The following DBF4B variants were observed in gnomAD, a reference collection of about 807,000 sequenced individuals.
The protein encoded by DBF4B is protein DBF4 homolog B.
A neutral mutation model predicts 53.4 loss-of-function variants in DBF4B; 49 were observed. That is an observed-to-expected ratio of 0.92 (90% CI 0.73 to 1.16). DBF4B has a LOEUF of 1.16. DBF4B is among the 50% of genes most tolerant of loss of function. The pLI is 0.00. For synonymous variants in DBF4B, 257 were observed against 288.7 expected, an observed-to-expected ratio of 0.89 and a Z score of 1.11; for missense variants, 692 against 775.0, an observed-to-expected ratio of 0.89 and a Z score of 1.27.
intron 4 of DBF4B, among the ~76,000 whole-genome samples, 182 bp from the exon 5 acceptor site, chr17:44,730,783 C>G (rs1974764239): frequency 6.6e-6 from 1 of 152,194 alleles, no homozygotes; most frequent in Non-Finnish European, 1.5e-5. Flanking sequence ...TTTCCTGTGG[C>G]TTTACCTTTA....
chr17:44,748,938 A>G, intron 13 of DBF4B: 1 of 1,289,942 alleles, frequency 7.8e-7, no homozygotes, highest in South Asian at 1.2e-5. Flanking sequence ...GGCAGCCCAC[A>G]GACAGACCAG....
At chr17:44,712,073 G>A (rs753976043) in intron 2 of DBF4B, among the ~76,000 whole-genome samples, 14 of 150,576 alleles carry the variant, frequency 9.3e-5, no homozygotes, top group Non-Finnish European at 1.5e-4. Context: ...CTCCAGCCTG[G>A]GCAACAAGAA....
chr17:44,730,142 T>C (rs1467516858), intron 4 of DBF4B, 46 bp downstream of exon 4: 1 of 1,582,340 alleles, frequency 6.3e-7, no homozygotes, highest in Non-Finnish European at 8.6e-7. Context: ...ACAAAGGAAG[T>C]AGGCTTTGGT....
rs1976036712 is a variant in DBF4B at position 44,741,600 on chromosome 17, T to C, written c.830+148T>C. 1.8e-5 allele frequency: 10 copies of C among 556,046 alleles called. 1 individual carries two copies. In the South Asian group the frequency reaches 2.4e-4, roughly 13 times the overall value. 34.4% of individuals were successfully genotyped at this position (556,046 alleles called of 1,614,324 possible). Reference sequence around the variant, plus strand: ...GGAACGTAGCCCAGAGAAGAGAGACTAGGAGCGTTCATCCATTTTATTTTG... The same window carrying C: ...GGAACGTAGCCCAGAGAAGAGAGACCAGGAGCGTTCATCCATTTTATTTTG... On this transcript the variant is annotated intron_variant, in intron 10 of 13. Coordinates refer to ENST00000315005, the MANE Select transcript of DBF4B (RefSeq NM_145663.3).
chr17:44,722,773 C>T (rs986563409), intron 2 of DBF4B, 107 bp from the exon 3 acceptor site: 2 of 1,264,846 alleles, frequency 1.6e-6, no homozygotes, highest in Non-Finnish European at 2.2e-6. Context: ...TGCCCAGGGT[C>T]TAGTCTGTGC....
intron 2 of DBF4B, among the ~76,000 whole-genome samples, chr17:44,713,574 C>T (rs1973086105): frequency 6.6e-6 from 1 of 151,836 alleles, no homozygotes; most frequent in Middle Eastern, 3.2e-3. Context: ...CACTTGAACC[C>T]GGGAGGCAGA....
chr17:44,709,168 G>A, intron 1 of DBF4B, 136 bp from the exon 2 acceptor site: 1 of 1,138,880 alleles, frequency 8.8e-7, no homozygotes, highest in South Asian at 1.3e-5. Context: ...CGGGATGTAG[G>A]TCGGAATGGA....
chr17:44,717,299 G>A (rs893213322), intron 2 of DBF4B, among the ~76,000 whole-genome samples: 3 of 151,904 alleles, frequency 2.0e-5, no homozygotes, highest in East Asian at 1.9e-4. Context: ...AGATCTTTTC[G>A]TTTTTAATTT....
intron 9 of DBF4B, among the ~76,000 whole-genome samples, chr17:44,738,636 G>C (rs1242655794): frequency 6.6e-6 from 1 of 152,190 alleles, no homozygotes; most frequent in Non-Finnish European, 1.5e-5. Flanking sequence ...ACAGTGAATA[G>C]TCCTCTTGGA....
At chr17:44,738,047 C>A (rs74790584) in intron 8 of DBF4B, among the ~76,000 whole-genome samples, 31 of 152,356 alleles carry the variant, frequency 2.0e-4, no homozygotes, top group Non-Finnish European at 4.0e-4. Flanking sequence ...TCCCACCAAA[C>A]CAGCCAGGTG....
rs759337451 is a variant in DBF4B, at chr17:44,722,886, C to T, written c.89C>T (p.Ser30Phe). The change falls in exon 3 of 14, where the codon TCC (serine) becomes TTC (phenylalanine). Residue 30 changes from serine (S) to phenylalanine (F), a missense_variant. By Grantham distance (155) the Ser-to-Phe change is radical. Around this residue, in one of 3 missense-constraint regions of DBF4B, gnomAD observed 66 missense variants for 51.3 expected, o/e 1.29. Transcript: ENST00000315005. Reference sequence around the variant, plus strand: ...CCTCTTTATTGTTTTCTAGGAGTTTCCAGGTGTCTAGGAAAATGCCAGAAG... The same window carrying T: ...CCTCTTTATTGTTTTCTAGGAGTTTTCAGGTGTCTAGGAAAATGCCAGAAG... ...SRLRAPDLGV[S>F]RCLGKCQKNS... 3.7e-6 allele frequency: 6 copies of T among 1,614,010 alleles called. No homozygotes were observed. The highest frequency in any genetic ancestry group is 5.1e-6 in the Non-Finnish European group (6 of 1,179,966).
intron 2 of DBF4B, among the ~76,000 whole-genome samples, chr17:44,712,301 CTTTTTT>C (rs1163777667): frequency 2.8e-5 from 2 of 71,910 alleles, no homozygotes; most frequent in Admixed American, 2.3e-4. Context: ...ATTATGTCTT[CTTTTTT>C]TTTTTTTTTT....
intron 7 of DBF4B, among the ~76,000 whole-genome samples, chr17:44,734,383 C>T (rs1408379314): frequency 1.3e-5 from 2 of 152,196 alleles, no homozygotes; most frequent in African/African-American, 4.8e-5. Flanking sequence ...CCATGGCACA[C>T]ACCCTGCTGA....
rs1249016416 is a variant in DBF4B at position 44,749,428 on chromosome 17, A to G, written c.1189+963A>G. The G allele has an allele frequency of 7.8e-7, 1 of 1,289,440 alleles. No homozygotes were observed. Among genetic ancestry groups the G allele is most frequent in the Non-Finnish European group, 1.0e-6 (1 of 988,876 alleles). 79.9% of individuals were successfully genotyped at this position (1,289,440 alleles called of 1,614,324 possible). On this transcript the variant is annotated intron_variant, in intron 13 of 13. Coordinates refer to ENST00000315005, the MANE Select transcript of DBF4B (RefSeq NM_145663.3). The surrounding 1 kb of genome is among the most constrained non-coding windows in gnomAD (Gnocchi z 4.4). ...ACCCGGCCAGGGCTGACCAGGACGC[A>G]GGAGGGGCAGAACCCCAGGACTTCC...
At chr17:44,724,867 G>A (rs1419716990) in intron 3 of DBF4B, among the ~76,000 whole-genome samples, 3 of 151,782 alleles carry the variant, frequency 2.0e-5, no homozygotes, top group South Asian at 4.1e-4. Flanking sequence ...CTGTAATCCC[G>A]GCACTTTGGG....
rs369201138 is a variant in DBF4B at position 44,729,944 on chromosome 17, G to A, written c.265G>A (p.Val89Met). 8 of 1,613,930 alleles carry A rather than the reference G, an allele frequency of 5.0e-6. No homozygotes were observed. The highest frequency in any genetic ancestry group is 3.3e-4 in the Middle Eastern group (2 of 6,046). Residue 89 changes from valine to methionine, a missense_variant, in exon 4 of 14, where the codon GTG becomes ATG. Transcript: ENST00000315005. ...GFLSKEVSYI[V>M]SSRREVKAES... is the part of the protein sequence containing the mutation. The stretch of plus-strand genomic sequence containing the variant: ...TCTGAGCAAAGAAGTAAGTTACATC[G>A]TGTCCAGCCGCAGAGAAGTAAAGGC...
At chr17:44,733,801 T>C (rs1975077179) in intron 6 of DBF4B, 1 of 393,296 alleles carries the variant, frequency 2.5e-6, no homozygotes, top group African/African-American at 2.0e-5. Flanking sequence ...CAGTGGTGCC[T>C]TAAAGTCCTT....
rs558449817 is a variant in DBF4B, at chr17:44,720,789, C to T, written c.83-2091C>T. Among the ~76,000 whole-genome samples the T allele has an allele frequency of 7.9e-5, 12 of 152,076 alleles. No individual in the cohort carries two copies. The East Asian group carries it at 9.7e-4, about 12-fold the overall frequency. Reference sequence around the variant, plus strand: ...CACATGGTTTTCCAATGTGACTGCACGATTCCACATTCCCTCCAGAAGTAT... The same window carrying T: ...CACATGGTTTTCCAATGTGACTGCATGATTCCACATTCCCTCCAGAAGTAT... On this transcript the variant is annotated intron_variant, in intron 2 of 13. Coordinates refer to ENST00000315005, the MANE Select transcript of DBF4B (RefSeq NM_145663.3).
rs117441685 is a variant in DBF4B at position 44,747,679 on chromosome 17, G to A, written c.1064+164G>A. Among the ~76,000 whole-genome samples, 549 of 151,962 alleles carry A rather than the reference G, an allele frequency of 3.6e-3. 8 individuals carry two copies. Among genetic ancestry groups the A allele is most frequent in the East Asian group, 0.02 (103 of 5,174 alleles). On this transcript the variant is annotated intron_variant, in intron 12 of 13. Coordinates refer to ENST00000315005, the MANE Select transcript of DBF4B (RefSeq NM_145663.3). ...CCTCAGTCCTGTTTGTTTTGGGGCT[G>A]GCCAAAAAAAATAAAAAGACCTCCA...
Sources: gnomAD v4.1 joint callset for allele counts (sites outside exome capture counted in the v4.1 genomes callset) on GRCh38, gnomAD v4.1.1 for gene constraint, gnomAD v4.1.1 regional missense constraint, Gnocchi (gnomAD v3.1) non-coding constraint, MANE v1.5 for transcripts, NCBI Gene and HGNC (gene_info 2026-07-23, HGNC 2026-07-21) for gene names.